The following FGF10 variants were observed in gnomAD, a reference collection of about 807,000 sequenced individuals.
FGF10 encodes the protein fibroblast growth factor 10.
Under a neutral mutation model 19.8 loss-of-function variants are expected in FGF10, and 2 were observed. The observed-to-expected ratio is 0.10, with a 90% CI of 0.04 to 0.32. The LOEUF (loss-of-function observed/expected upper bound fraction) is 0.32, where lower values mean the gene tolerates loss of function less well. FGF10 is among the 10% of genes least tolerant of loss of function. The pLI is 1.00. For synonymous variants in FGF10, 112 were observed against 94.0 expected (o/e 1.19, Z -1.10); for missense variants, 191 against 246.3 (o/e 0.78, Z 1.50).
intron 1 of FGF10, 106 bp downstream of exon 1, chr5:44,388,252 T>C: frequency 9.9e-7 from 1 of 1,009,270 alleles, no homozygotes. Flanking sequence ...TTTACAGGGG[T>C]TGGGGACGTA....
chr5:44,348,605 G>A (rs1326656864), intron 1 of FGF10, among the ~76,000 whole-genome samples: 1 of 151,310 alleles, frequency 6.6e-6, no homozygotes, highest in Non-Finnish European at 1.5e-5. Flanking sequence ...TTAGGAGCAG[G>A]TTCCTAGACT....
At chr5:44,326,667 C>T (rs564518880) in intron 1 of FGF10, among the ~76,000 whole-genome samples, 1 of 152,044 alleles carries the variant, frequency 6.6e-6, no homozygotes, top group African/African-American at 2.4e-5. Context: ...TCTCAGCCTC[C>T]CAAAGTGTTG....
chr5:44,383,118 CA>C (rs149942224), intron 1 of FGF10, among the ~76,000 whole-genome samples: 2,063 of 152,144 alleles, frequency 0.014, 84 homozygotes, highest in East Asian at 0.12. Context: ...ATGGGAGGAA[CA>C]TTAGTTCCAT....
chr5:44,326,158 A>G (rs1176969023), intron 1 of FGF10, among the ~76,000 whole-genome samples: 2 of 152,212 alleles, frequency 1.3e-5, no homozygotes, highest in Non-Finnish European at 2.9e-5. Flanking sequence ...ACTCAGGAAT[A>G]GAACTCTATT....
chr5:44,308,348 A>C (rs1204162181), intron 2 of FGF10, among the ~76,000 whole-genome samples: 2 of 152,180 alleles, frequency 1.3e-5, no homozygotes, highest in African/African-American at 4.8e-5. Context: ...TATTTTATCA[A>C]TTAAAAGTAT....
intron 1 of FGF10, among the ~76,000 whole-genome samples, chr5:44,348,866 G>A (rs963292082): frequency 4.0e-5 from 6 of 151,532 alleles, no homozygotes; most frequent in African/African-American, 1.4e-4. Context: ...CATCACCTCT[G>A]ATTCTAAATT....
At chr5:44,384,996 G>T (rs954844747) in intron 1 of FGF10, among the ~76,000 whole-genome samples, 3 of 152,058 alleles carry the variant, frequency 2.0e-5, no homozygotes, top group Non-Finnish European at 4.4e-5. Context: ...GGTCCCAGTT[G>T]CAAGGATACC....
intron 1 of FGF10, among the ~76,000 whole-genome samples, chr5:44,385,361 A>G (rs1230917062): frequency 6.6e-6 from 1 of 152,176 alleles, no homozygotes; most frequent in African/African-American, 2.4e-5. Flanking sequence ...TAGCTTTGAA[A>G]GTAGAAGTTA....
intron 1 of FGF10, among the ~76,000 whole-genome samples, chr5:44,338,255 A>T (rs1035616808): frequency 2.6e-5 from 4 of 152,096 alleles, no homozygotes; most frequent in African/African-American, 9.7e-5. Context: ...TAAAATAATG[A>T]TTGCTTCTGT....
intron 1 of FGF10, among the ~76,000 whole-genome samples, chr5:44,378,079 AT>A (rs35042102): frequency 0.2 from 29,687 of 152,116 alleles, 2,973 homozygotes; most frequent in Admixed American, 0.25. Flanking sequence ...TGAAAAAATC[AT>A]GTGTTGGGGG....
intron 1 of FGF10, among the ~76,000 whole-genome samples, chr5:44,354,919 T>C (rs368424767): frequency 6.6e-6 from 1 of 151,458 alleles, no homozygotes; most frequent in Admixed American, 6.6e-5. Context: ...CTTGGTTTTA[T>C]TAGCTGTCTT....
At chr5:44,371,069 G>T (rs1230931596) in intron 1 of FGF10, among the ~76,000 whole-genome samples, 1 of 152,024 alleles carries the variant, frequency 6.6e-6, no homozygotes, top group Non-Finnish European at 1.5e-5. Context: ...AATTCATTTT[G>T]AAATTTAATC....
intron 1 of FGF10, among the ~76,000 whole-genome samples, chr5:44,331,179 G>T (rs888722913): frequency 6.6e-6 from 1 of 151,798 alleles, no homozygotes. Context: ...TCTTCCTTTT[G>T]TCCAGATACA....
chr5:44,374,275 G>A (rs1225219930), intron 1 of FGF10, among the ~76,000 whole-genome samples: 3 of 151,900 alleles, frequency 2.0e-5, no homozygotes, highest in African/African-American at 7.3e-5. Context: ...CTCTTATAAG[G>A]GCACTTGTGA....
intron 1 of FGF10, among the ~76,000 whole-genome samples, chr5:44,332,474 A>C (rs570221713): frequency 1.3e-5 from 2 of 152,188 alleles, no homozygotes; most frequent in African/African-American, 4.8e-5. Flanking sequence ...GGAACCAAGC[A>C]TACTATCCAT....
At chr5:44,319,219 G>GA (rs1376225542) in intron 1 of FGF10, among the ~76,000 whole-genome samples, 1 of 151,654 alleles carries the variant, frequency 6.6e-6, no homozygotes, top group African/African-American at 2.4e-5. Context: ...TATAAAGAGA[G>GA]AAAAAAAATT....
intron 1 of FGF10, among the ~76,000 whole-genome samples, chr5:44,361,821 C>T (rs1006332938): frequency 4.0e-5 from 6 of 151,636 alleles, no homozygotes; most frequent in Admixed American, 6.6e-5. Context: ...TTTGTAGTCT[C>T]TACTTCCTAA....
At chr5:44,354,644 T>C (rs1414711613) in intron 1 of FGF10, among the ~76,000 whole-genome samples, 1 of 151,456 alleles carries the variant, frequency 6.6e-6, no homozygotes, top group East Asian at 2.0e-4. Flanking sequence ...AGGGTTAAAA[T>C]CTCTAAAAGC....
intron 1 of FGF10, among the ~76,000 whole-genome samples, chr5:44,373,140 C>T (rs532381275): frequency 6.6e-6 from 1 of 152,264 alleles, no homozygotes; most frequent in South Asian, 2.1e-4. Flanking sequence ...GTGGTCCTCC[C>T]ATGTATGTCA....
Sources: gnomAD v4.1 joint callset for allele counts (sites outside exome capture counted in the v4.1 genomes callset) on GRCh38, gnomAD v4.1.1 for gene constraint, MANE v1.5 for transcripts, NCBI Gene and HGNC (gene_info 2026-07-23, HGNC 2026-07-21) for gene names.